ABR: variants seen among roughly 807,000 people sequenced by gnomAD.
ABR encodes ABR activator of RhoGEF and GTPase, also known as active breakpoint cluster region-related protein.
Under a neutral mutation model 107.2 loss-of-function variants are expected in ABR, and 35 were observed. That is an observed-to-expected ratio of 0.33 (90% CI 0.25 to 0.43). The LOEUF (loss-of-function observed/expected upper bound fraction) is 0.43. ABR is among the 20% of genes least tolerant of loss of function. The probability of loss-of-function intolerance (pLI) is 1.00; values close to 1 mark genes in which losing one functional copy is unlikely to be tolerated. For missense variants in ABR, 815 were observed against 1,115.2 expected, an observed-to-expected ratio of 0.73 and a Z score of 3.83; for synonymous variants, 498 against 462.0, an observed-to-expected ratio of 1.08 and a Z score of -1.00.
At chr17:1,008,394 A>G (rs2070230694) in intron 21 of ABR, among the ~76,000 whole-genome samples, 1 of 152,220 alleles carries the variant, frequency 6.6e-6, no homozygotes, top group African/African-American at 2.4e-5. Context: ...CAGGCAAACA[A>G]ACACTGTGAT....
intron 1 of ABR, among the ~76,000 whole-genome samples, chr17:1,215,621 T>C (rs569529734): frequency 1.6e-4 from 24 of 152,212 alleles, no homozygotes; most frequent in Admixed American, 1.0e-3. Context: ...TGCCTTGGCC[T>C]CCCAAAGTGC....
At chr17:1,060,626 G>C (rs142852681) in intron 10 of ABR, among the ~76,000 whole-genome samples, 1 of 152,100 alleles carries the variant, frequency 6.6e-6, no homozygotes, top group African/African-American at 2.4e-5. Flanking sequence ...CTGGTACTAC[G>C]AGCATTTCTC....
rs1216295005 is a variant in ABR at position 1,005,739 on chromosome 17, G to A, written c.*341C>T. 1 of 347,596 alleles carries A rather than the reference G, an allele frequency of 2.9e-6. No homozygotes were observed. The highest frequency in any genetic ancestry group is 2.1e-5 in the African/African-American group (1 of 47,158). The allele number at this position is 347,596 out of a possible 1,614,324, so 21.5% of individuals were successfully genotyped here. A position where few individuals can be genotyped will look rare whatever the true frequency, so the allele number is the denominator to read the frequency against. The stretch of plus-strand genomic sequence containing the variant: ...GCGGAAAGAAAGTGCTGGAGGAAAT[G>A]AAAGAACAAAGCGGGCTGTCTGTGT... On this transcript the variant is annotated 3_prime_UTR_variant, in exon 23 of 23. Transcript: ENST00000302538.
At chr17:1,176,542 T>C (rs1444296382) in intron 1 of ABR, among the ~76,000 whole-genome samples, 1 of 152,090 alleles carries the variant, frequency 6.6e-6, no homozygotes, top group East Asian at 1.9e-4. Context: ...TTGGAGAGAA[T>C]GGATAGAAAG....
At chr17:1,063,891 C>T (rs2034356177) in intron 10 of ABR, among the ~76,000 whole-genome samples, 2 of 150,284 alleles carry the variant, frequency 1.3e-5, no homozygotes, top group Non-Finnish European at 3.0e-5. Context: ...GCATGTTCCT[C>T]CAGACACTGT....
chr17:1,216,532 T>A (rs9890206), intron 1 of ABR, among the ~76,000 whole-genome samples: 146,169 of 152,328 alleles, frequency 0.96, 70,434 homozygotes, highest in East Asian at 1. Flanking sequence ...TGCCTCCCAT[T>A]CACATTGCCC....
intron 1 of ABR, among the ~76,000 whole-genome samples, chr17:1,153,204 A>G (rs72814089): frequency 6.4e-4 from 98 of 152,158 alleles, no homozygotes; most frequent in Non-Finnish European, 1.3e-3. Flanking sequence ...TCAAATCCCC[A>G]CCATACCCCT....
At position 1,079,409 on chromosome 17, in the gene ABR, G is replaced by A; in HGVS notation, c.640-19C>T. Reference sequence around the variant, plus strand: ...TGAGTTCCTGCCAAAGGGAGGAGAGGAGTCATGGCCTGTTCTGTCCCTCAC... The same window carrying A: ...TGAGTTCCTGCCAAAGGGAGGAGAGAAGTCATGGCCTGTTCTGTCCCTCAC... On this transcript the variant is annotated intron_variant, in intron 5 of 22. Coordinates refer to ENST00000302538, the MANE Select transcript of ABR (RefSeq NM_021962.5). 3.1e-6 allele frequency: 5 copies of A among 1,609,494 alleles called. No homozygotes were observed. The highest frequency in any genetic ancestry group is 1.7e-5 in the Admixed American group (1 of 59,612).
intron 1 of ABR, among the ~76,000 whole-genome samples, chr17:1,212,611 C>T (rs572958738): frequency 6.7e-5 from 10 of 148,874 alleles, no homozygotes; most frequent in Non-Finnish European, 1.3e-4. Context: ...AAAAATTGGC[C>T]GGGCATGGTG....
chr17:1,162,709 C>G (rs1407434153), intron 1 of ABR, among the ~76,000 whole-genome samples: 3 of 151,352 alleles, frequency 2.0e-5, no homozygotes, highest in Non-Finnish European at 4.4e-5. Context: ...AGCACAGTGG[C>G]TCACACCTGT....
chr17:1,130,302 C>T (rs916411821), intron 1 of ABR, among the ~76,000 whole-genome samples: 2 of 152,106 alleles, frequency 1.3e-5, no homozygotes, highest in Admixed American at 6.6e-5. Flanking sequence ...AGACCACACA[C>T]GTAGGGAACC....
At chr17:1,101,909 A>ATT (rs1387090452) in intron 2 of ABR, among the ~76,000 whole-genome samples, 1 of 151,642 alleles carries the variant, frequency 6.6e-6, no homozygotes, top group Non-Finnish European at 1.5e-5. Flanking sequence ...AACTTTTTGT[A>ATT]TTTTTAGTAG....
intron 1 of ABR, among the ~76,000 whole-genome samples, chr17:1,227,287 G>A (rs2043239979): frequency 6.6e-6 from 1 of 152,180 alleles, no homozygotes. Flanking sequence ...ACCCCGGGGA[G>A]GGTGACAGAT....
At chr17:1,192,932 C>T (rs953159133) in intron 1 of ABR, among the ~76,000 whole-genome samples, 1 of 152,172 alleles carries the variant, frequency 6.6e-6, no homozygotes, top group African/African-American at 2.4e-5. Context: ...CCTGTAATCC[C>T]AGCTACTGGG....
chr17:1,097,833 C>T (rs116219641), intron 3 of ABR, among the ~76,000 whole-genome samples: 4,554 of 152,224 alleles, frequency 0.03, 220 homozygotes, highest in African/African-American at 0.1. Context: ...CAGCAATTCA[C>T]GGTTTGGAAG....
intron 1 of ABR, among the ~76,000 whole-genome samples, chr17:1,226,611 C>G (rs574302984): frequency 6.7e-6 from 1 of 148,446 alleles, no homozygotes; most frequent in African/African-American, 2.5e-5. Flanking sequence ...TGTACATATG[C>G]AGGTGTGTGT....
At chr17:1,196,677 T>C in intron 1 of ABR, among the ~76,000 whole-genome samples, 1 of 148,468 alleles carries the variant, frequency 6.7e-6, no homozygotes, top group Non-Finnish European at 1.5e-5. Flanking sequence ...CACAGGAAGC[T>C]ACAGGAGATC....
At chr17:1,061,931 G>C (rs2033990081) in intron 10 of ABR, among the ~76,000 whole-genome samples, 2 of 152,196 alleles carry the variant, frequency 1.3e-5, no homozygotes, top group South Asian at 4.1e-4. Flanking sequence ...AATTCCAGTG[G>C]GGAAGAGAGG....
intron 1 of ABR, among the ~76,000 whole-genome samples, chr17:1,144,176 A>C (rs958165870): frequency 6.6e-6 from 1 of 152,174 alleles, no homozygotes; most frequent in Non-Finnish European, 1.5e-5. Context: ...TCTGTAGGAA[A>C]GACAGTTATG....
Sources: allele counts gnomAD v4.1 joint callset (sites outside exome capture counted in the v4.1 genomes callset), GRCh38; gene constraint gnomAD v4.1.1; transcripts MANE v1.5; gene names NCBI Gene and HGNC (gene_info 2026-07-23, HGNC 2026-07-21).